The following ODF2 variants were observed in gnomAD, a reference collection of about 807,000 sequenced individuals.
ODF2 encodes outer dense fiber of sperm tails 2, also known as outer dense fiber protein 2.
Under a neutral mutation model 110.2 loss-of-function variants are expected in ODF2, and 47 were observed. The ratio of observed to expected loss-of-function variants is 0.43; its 90% CI spans 0.34 to 0.54. The LOEUF (loss-of-function observed/expected upper bound fraction) is 0.54, where lower values mean the gene tolerates loss of function less well. ODF2 is among the 20% of genes least tolerant of loss of function. ODF2 has a pLI of 0.03. For missense variants in ODF2, 812 were observed against 1,054.5 expected, an observed-to-expected ratio of 0.77 and a Z score of 3.19; for synonymous variants, 352 against 397.7, an observed-to-expected ratio of 0.89 and a Z score of 1.37.
intron 4 of ODF2, among the ~76,000 whole-genome samples, chr9:128,468,407 C>T (rs1214504692): frequency 6.6e-6 from 1 of 152,138 alleles, no homozygotes; most frequent in Non-Finnish European, 1.5e-5. Flanking sequence ...CTCTGTCACC[C>T]AGGCTGGCAT....
At chr9:128,496,223 C>T (rs777893477) in intron 18 of ODF2, 82 bp downstream of exon 18, 21 of 1,593,800 alleles carry the variant, frequency 1.3e-5, no homozygotes, top group Middle Eastern at 1.7e-4. Context: ...GCTTAGTGTG[C>T]GGAAGTGTTG....
intron 5 of ODF2, among the ~76,000 whole-genome samples, chr9:128,470,581 C>T (rs1420545117): frequency 6.6e-6 from 1 of 151,826 alleles, no homozygotes; most frequent in Admixed American, 6.6e-5. Flanking sequence ...TGAGATCGTA[C>T]CGCTGCACTC....
In ODF2 at chr9:128,460,944, A is replaced by G. The variant is rs181339629; in HGVS notation, c.126A>G (p.Lys42=). The G allele has an allele frequency of 4.3e-6, 7 of 1,614,182 alleles. No homozygotes were observed. The East Asian group carries it at 1.6e-4, about 36-fold the overall frequency. ...CCTGGGTTTGTCCCTTTCCACAGAA[A>G]TCTCACAAGCGAGGAATGAAAGGGG... The change falls in exon 4 of 21, where the codon AAA becomes AAG. Residue 42 remains lysine (K), a splice_region_variant and synonymous_variant. Coordinates refer to ENST00000604420, the Ensembl canonical transcript of ODF2.
rs753527739 is a variant in ODF2, at chr9:128,494,503, G to A, written c.1753-7G>A. On this transcript the variant is annotated splice_region_variant and splice_polypyrimidine_tract_variant and intron_variant, in intron 16 of 20. Coordinates refer to ENST00000604420, the Ensembl canonical transcript of ODF2. The surrounding 1 kb of genome is among the most constrained non-coding windows in gnomAD (Gnocchi z 4.6). ...TCCTTCCTGTGGGTCTTTCCTTCCT[G>A]TTTCAGGCACGAAGGCAGTTCCAGT... 2.5e-6 allele frequency: 4 copies of A among 1,613,944 alleles called. No homozygotes were observed. Among genetic ancestry groups the A allele is most frequent in the East Asian group, 4.5e-5 (2 of 44,872 alleles).
At position 128,496,970 on chromosome 9, in the gene ODF2, C is replaced by T. The variant is rs897222789; in HGVS notation, c.2012+829C>T. Among the ~76,000 whole-genome samples the T allele has an allele frequency of 3.3e-5, 5 of 152,094 alleles. No individual in the cohort carries two copies. The East Asian group carries it at 9.6e-4, about 29-fold the overall frequency. On this transcript the variant is annotated intron_variant, in intron 18 of 20. Coordinates refer to ENST00000604420, the Ensembl canonical transcript of ODF2. ...CCTGAACTCCTGGGTTCAAGTGATC[C>T]ACCCACCTAGGCCTCCTAGAGTGCT...
chr9:128,457,292 G>C lies in ODF2; in HGVS notation c.-114G>C, dbSNP rs546906442. 3.7e-6 allele frequency: 6 copies of C among 1,605,992 alleles called. No homozygotes were observed. The East Asian group carries it at 8.9e-5, about 24-fold the overall frequency. ...GCTTCCACCCTTCTCCCCTCAGAGA[G>C]GACGTTTGATGCCGGGCCCCTTGAG... On this transcript the variant is annotated 5_prime_UTR_variant, in exon 2 of 21. Coordinates refer to ENST00000604420, the Ensembl canonical transcript of ODF2.
exon 21 of ODF2, chr9:128,500,189 T>C (rs777918117): frequency 6.2e-7 from 1 of 1,614,208 alleles, no homozygotes; most frequent in Non-Finnish European, 8.5e-7. Context: ...CCAACGTGTT[T>C]GGGGATGGTC....
rs1389002434 is a variant in ODF2 at position 128,494,869 on chromosome 9, T to C, written c.1911+201T>C. ...TGTTTGCACAAAGTGATTGTAGTTATAGGAGCCGTCACTTGCGTGGAGTCA... is the reference window on the plus strand; with the variant it reads ...TGTTTGCACAAAGTGATTGTAGTTACAGGAGCCGTCACTTGCGTGGAGTCA... On this transcript the variant is annotated intron_variant, in intron 17 of 20. Coordinates refer to ENST00000604420, the Ensembl canonical transcript of ODF2. This position sits in a 1 kb window ranked among gnomAD's most constrained non-coding sequence, Gnocchi z 4.6. 1 of 1,460,568 alleles carries C rather than the reference T, an allele frequency of 6.8e-7. No homozygotes were observed. Among genetic ancestry groups the C allele is most frequent in the Admixed American group, 2.4e-5 (1 of 41,756 alleles). The allele number at this position is 1,460,568 out of a possible 1,614,324, so 90.5% of individuals were successfully genotyped here. A position where few individuals can be genotyped will look rare whatever the true frequency, so the allele number is the denominator to read the frequency against.
chr9:128,480,604 G>A (rs1324879408), intron 8 of ODF2, among the ~76,000 whole-genome samples: 1 of 152,162 alleles, frequency 6.6e-6, no homozygotes, highest in East Asian at 1.9e-4. Context: ...ATCACCTGAG[G>A]TCAGGAGTTT....
exon 12 of ODF2, chr9:128,484,785 C>A: frequency 6.2e-7 from 1 of 1,612,486 alleles, no homozygotes; most frequent in Non-Finnish European, 8.5e-7. Flanking sequence ...GAAGGGAGAC[C>A]GAGACAAAGA....
chr9:128,485,287 AG>A lies in ODF2; in HGVS notation c.1291-76del, dbSNP rs146756487. 32 of 761,050 alleles carry A rather than the reference AG, an allele frequency of 4.2e-5. No homozygotes were observed. The East Asian group carries it at 8.4e-4, about 20-fold the overall frequency. 47.1% of individuals were successfully genotyped at this position (761,050 alleles called of 1,614,324 possible). ...AGGTTACCAGGGTGAGAAACCACCTAGGATGAGCCCGCTCCCAGCTCCTGGC... is the reference window on the plus strand; with the variant it reads ...AGGTTACCAGGGTGAGAAACCACCTAGATGAGCCCGCTCCCAGCTCCTGGC... On this transcript the variant is annotated intron_variant, in intron 12 of 20. Transcript: ENST00000604420. The surrounding 1 kb of genome is among the most constrained non-coding windows in gnomAD (Gnocchi z 5.0).
At chr9:128,457,306 G>T in exon 2 of ODF2, 1 of 1,608,288 alleles carries the variant, frequency 6.2e-7, no homozygotes, top group South Asian at 1.1e-5. Flanking sequence ...GTTTGATGCC[G>T]GGCCCCTTGA....
intron 10 of ODF2, 82 bp from the exon 11 acceptor site, chr9:128,483,856 A>T: frequency 1.0e-6 from 1 of 974,542 alleles, no homozygotes; most frequent in Non-Finnish European, 1.6e-6. Context: ...ACTGCACTCC[A>T]GCCTGGGAAA....
chr9:128,481,248 A>G (rs1842340208), intron 8 of ODF2, among the ~76,000 whole-genome samples: 1 of 152,178 alleles, frequency 6.6e-6, no homozygotes, highest in Non-Finnish European at 1.5e-5. Flanking sequence ...AAGCAGGCAG[A>G]TTGTTTGAAC....
At position 128,460,568 on chromosome 9, in the gene ODF2, C is replaced by T. The variant is rs369640751; in HGVS notation, c.124-374C>T. 5.0e-6 allele frequency: 8 copies of T among 1,613,678 alleles called. No homozygotes were observed. The African/African-American group carries it at 5.3e-5, about 11-fold the overall frequency. The stretch of plus-strand genomic sequence containing the variant: ...CTGCCAGAAGCCAACCATGAAGGAC[C>T]GCTCTTCAACTCCCCCCTTACATGT... On this transcript the variant is annotated intron_variant, in intron 3 of 20. Coordinates refer to ENST00000604420, the Ensembl canonical transcript of ODF2.
At chr9:128,476,699 A>G (rs572597303) in intron 8 of ODF2, among the ~76,000 whole-genome samples, 10 of 148,820 alleles carry the variant, frequency 6.7e-5, no homozygotes, top group Non-Finnish European at 1.3e-4. Context: ...GTGCAGTGGC[A>G]CGATATCGGC....
chr9:128,461,555 A>C (rs1196321044), intron 4 of ODF2, among the ~76,000 whole-genome samples: 1 of 152,104 alleles, frequency 6.6e-6, no homozygotes, highest in African/African-American at 2.4e-5. Flanking sequence ...AGTAGCTGGG[A>C]CTACAGGCGC....
chr9:128,496,155 G>A lies in ODF2; in HGVS notation c.2012+14G>A, dbSNP rs1320750617. 1.2e-6 allele frequency: 2 copies of A among 1,613,512 alleles called. No homozygotes were observed. The highest frequency in any genetic ancestry group is 1.7e-6 in the Non-Finnish European group (2 of 1,179,944). On this transcript the variant is annotated intron_variant, in intron 18 of 20. Transcript: ENST00000604420. ...TGAACTGGAGAGGTTAGAGGCACTT[G>A]GTCCCATCTCTGTCCTCTTCCTAGG...
Position 128,461,983 on chromosome 9 carries a change from A to G in ODF2, c.249+916A>G, listed in dbSNP as rs142186486. 2.3e-4 allele frequency among the ~76,000 whole-genome samples: 35 copies of G among 152,294 alleles called. No individual in the cohort carries two copies. The East Asian group carries it at 5.8e-3, about 25-fold the overall frequency. On this transcript the variant is annotated intron_variant, in intron 4 of 20. Coordinates refer to ENST00000604420, the Ensembl canonical transcript of ODF2. ...AGGATTGAAATTAGACTGCTGCCTT[A>G]CATTTTTTACTACATATACTTCACT... is the stretch of plus-strand genomic sequence containing the variant.
Sources: allele counts gnomAD v4.1 joint callset (sites outside exome capture counted in the v4.1 genomes callset), GRCh38; gene constraint gnomAD v4.1.1; non-coding constraint Gnocchi (gnomAD v3.1); transcripts MANE v1.5; gene names NCBI Gene and HGNC (gene_info 2026-07-23, HGNC 2026-07-21).